BBOX1: variants seen among roughly 807,000 people sequenced by gnomAD.
BBOX1 encodes the protein gamma-butyrobetaine hydroxylase 1, also known as gamma-butyrobetaine dioxygenase.
Under a neutral mutation model 41.6 loss-of-function variants are expected in BBOX1, and 35 were observed. The ratio of observed to expected loss-of-function variants is 0.84; its 90% CI spans 0.64 to 1.11. The LOEUF (loss-of-function observed/expected upper bound fraction) is 1.11. Ranked by LOEUF, BBOX1 falls within the 50% of genes most tolerant of loss-of-function variation. The pLI, the probability that BBOX1 is intolerant of heterozygous loss-of-function variation, is 0.00. For missense variants in BBOX1, 458 were observed against 460.6 expected (o/e 0.99, Z 0.05); for synonymous variants, 163 against 154.7 (o/e 1.05, Z -0.40).
At chr11:27,115,665 A>C (rs1859234646) in intron 6 of BBOX1, 108 bp downstream of exon 6, 2 of 961,108 alleles carry the variant, frequency 2.1e-6, no homozygotes, top group Non-Finnish European at 2.9e-6. Context: ...GTCTTTTATA[A>C]ATTTTTTCTC....
rs952964277 is a variant in BBOX1 at position 27,125,536 on chromosome 11, A to C, written c.837-118A>C. ...CAGGTAGCCTTAATATCTTCTGTAC[A>C]TGTATTTGGATTTTTTAATATGGTG... On this transcript the variant is annotated intron_variant, in intron 7 of 8. Coordinates refer to ENST00000263182, the MANE Select transcript of BBOX1 (RefSeq NM_003986.3). 4 of 839,378 alleles carry C rather than the reference A, an allele frequency of 4.8e-6. No individual in the cohort carries two copies. The Admixed American group carries it at 1.0e-4, about 22-fold the overall frequency. 52.0% of individuals were successfully genotyped at this position (839,378 alleles called of 1,614,324 possible). A position where few individuals can be genotyped will look rare whatever the true frequency, so the allele number is the denominator to read the frequency against.
At chr11:27,083,469 C>G (rs1413388641) in intron 4 of BBOX1, among the ~76,000 whole-genome samples, 1 of 151,956 alleles carries the variant, frequency 6.6e-6, no homozygotes, top group East Asian at 1.9e-4. Context: ...GTTTTTCAAG[C>G]AAGACAATTC....
intron 8 of BBOX1, 66 bp downstream of exon 8, chr11:27,125,886 T>C: frequency 6.6e-7 from 1 of 1,515,778 alleles, no homozygotes; most frequent in Non-Finnish European, 8.9e-7. Flanking sequence ...CCACCTAGAA[T>C]TATATCCAGA....
chr11:27,118,478 T>G (rs1430892351), intron 6 of BBOX1, among the ~76,000 whole-genome samples: 1 of 151,912 alleles, frequency 6.6e-6, no homozygotes, highest in Non-Finnish European at 1.5e-5. Context: ...TTTGATCGAT[T>G]TGGATTATGT....
chr11:27,101,475 A>T (rs887744782), intron 5 of BBOX1, among the ~76,000 whole-genome samples: 1 of 152,138 alleles, frequency 6.6e-6, no homozygotes, highest in Non-Finnish European at 1.5e-5. Context: ...AATATATTTA[A>T]TGTGGAATTC....
intron 2 of BBOX1, among the ~76,000 whole-genome samples, chr11:27,042,009 A>C (rs1439389920): frequency 2.6e-5 from 4 of 152,220 alleles, no homozygotes; most frequent in Admixed American, 6.5e-5. Flanking sequence ...GCCACTATGC[A>C]CATCTTCAAT....
At chr11:27,085,029 GA>G (rs1191842405) in intron 4 of BBOX1, among the ~76,000 whole-genome samples, 1 of 152,070 alleles carries the variant, frequency 6.6e-6, no homozygotes, top group Non-Finnish European at 1.5e-5. Context: ...CCTGATAAAT[GA>G]TTTACTCTAG....
intron 4 of BBOX1, among the ~76,000 whole-genome samples, chr11:27,078,851 C>G (rs565504066): frequency 3.3e-5 from 5 of 152,094 alleles, no homozygotes; most frequent in African/African-American, 1.2e-4. Context: ...TCATAAATGA[C>G]CTGAGCCTCA....
intron 4 of BBOX1, among the ~76,000 whole-genome samples, chr11:27,074,853 G>A (rs1857583145): frequency 6.6e-6 from 1 of 152,212 alleles, no homozygotes; most frequent in Admixed American, 6.5e-5. Context: ...ACAAGAGGTG[G>A]ACTCCCAAGG....
At chr11:27,065,624 G>A (rs1246779158) in intron 4 of BBOX1, among the ~76,000 whole-genome samples, 2 of 152,086 alleles carry the variant, frequency 1.3e-5, no homozygotes, top group Non-Finnish European at 2.9e-5. Flanking sequence ...GTAAGCTCCA[G>A]ATAAACTTAT....
chr11:27,071,429 T>C (rs1016673232), intron 4 of BBOX1, among the ~76,000 whole-genome samples: 13 of 150,960 alleles, frequency 8.6e-5, no homozygotes, highest in African/African-American at 2.4e-4. Flanking sequence ...CCCTTTGGGC[T>C]TGTAAGGTGA....
intron 5 of BBOX1, among the ~76,000 whole-genome samples, chr11:27,104,670 T>C (rs1031728005): frequency 3.3e-5 from 5 of 152,094 alleles, no homozygotes. Context: ...CTTAAAAAAA[T>C]GGCATGAGAA....
chr11:27,048,154 A>G (rs1259070722), intron 2 of BBOX1, among the ~76,000 whole-genome samples: 1 of 152,108 alleles, frequency 6.6e-6, no homozygotes, highest in Non-Finnish European at 1.5e-5. Flanking sequence ...GCAAATTTCG[A>G]ATACACAAGA....
chr11:27,055,673 C>T (rs779823808), intron 3 of BBOX1, 24 bp downstream of exon 3: 2 of 1,579,718 alleles, frequency 1.3e-6, no homozygotes, highest in African/African-American at 2.7e-5. Context: ...AATTATGTCT[C>T]CCTTCTTTCT....
intron 4 of BBOX1, among the ~76,000 whole-genome samples, chr11:27,078,336 A>C (rs188892077): frequency 6.6e-6 from 1 of 151,342 alleles, no homozygotes; most frequent in African/African-American, 2.4e-5. Flanking sequence ...CTTTTTTTTA[A>C]TTATACTTTA....
At chr11:27,126,854 T>C (rs558586542) in intron 8 of BBOX1, among the ~76,000 whole-genome samples, 1 of 152,064 alleles carries the variant, frequency 6.6e-6, no homozygotes, top group East Asian at 1.9e-4. Context: ...TTTTCTATTT[T>C]TAGTAGAGAC....
At chr11:27,050,190 A>G (rs1444675209) in intron 2 of BBOX1, among the ~76,000 whole-genome samples, 1 of 152,124 alleles carries the variant, frequency 6.6e-6, no homozygotes, top group African/African-American at 2.4e-5. Context: ...TTGTAGGCTG[A>G]CTATAACTTT....
intron 4 of BBOX1, among the ~76,000 whole-genome samples, chr11:27,091,827 A>G (rs1320416868): frequency 6.6e-6 from 1 of 152,014 alleles, no homozygotes; most frequent in African/African-American, 2.4e-5. Context: ...GTAAAAAATA[A>G]TTAATGCAGC....
At chr11:27,097,810 C>A (rs554680314) in intron 5 of BBOX1, among the ~76,000 whole-genome samples, 1 of 152,068 alleles carries the variant, frequency 6.6e-6, no homozygotes, top group African/African-American at 2.4e-5. Flanking sequence ...TATCTTCAGA[C>A]AAAATGAATC....
Sources: gnomAD v4.1 joint callset for allele counts (sites outside exome capture counted in the v4.1 genomes callset) on GRCh38, gnomAD v4.1.1 for gene constraint, MANE v1.5 for transcripts, NCBI Gene and HGNC (gene_info 2026-07-23, HGNC 2026-07-21) for gene names.